The following ADARB1 variants were observed in gnomAD, a reference collection of about 807,000 sequenced individuals.
ADARB1 encodes the protein double-stranded RNA-specific editase 1.
Under a neutral mutation model 52.4 loss-of-function variants are expected in ADARB1, and 10 were observed. That is an observed-to-expected ratio of 0.19 (90% CI 0.12 to 0.32). ADARB1 has a LOEUF of 0.32. Ranked by LOEUF, ADARB1 falls within the 10% of genes least tolerant of loss-of-function variation. The probability of loss-of-function intolerance (pLI) is 1.00; values close to 1 mark genes in which losing one functional copy is unlikely to be tolerated. For missense variants in ADARB1, 643 were observed against 922.3 expected (o/e 0.70, Z 3.92); for synonymous variants, 349 against 371.1 (o/e 0.94, Z 0.68).
At position 45,221,031 on chromosome 21, in the gene ADARB1, A is replaced by G. The variant is rs757199770; in HGVS notation, c.1926+17A>G. On this transcript the variant is annotated intron_variant, in intron 10 of 10. Coordinates refer to ENST00000348831, the MANE Select transcript of ADARB1 (RefSeq NM_001112.4). The surrounding 1 kb of genome is among the most constrained non-coding windows in gnomAD (Gnocchi z 4.9). ...CACGGCAAGGTACTGAGGCGCCCTC[A>G]CCGCAATGCGCCGGCTCCACCTCCC... is the stretch of plus-strand genomic sequence containing the variant. The G allele has an allele frequency of 6.3e-7, 1 of 1,592,096 alleles. No individual in the cohort carries two copies. Among genetic ancestry groups the G allele is most frequent in the Admixed American group, 1.7e-5 (1 of 59,264 alleles).
At chr21:45,075,484 G>A (rs9977041) in intron 1 of ADARB1, among the ~76,000 whole-genome samples, 49,934 of 152,130 alleles carry the variant, frequency 0.33, 8,245 homozygotes, top group African/African-American at 0.37. Context: ...CGCAGTGTCC[G>A]CGCGGGATGC....
At chr21:45,169,052 T>C (rs1045063938) in intron 2 of ADARB1, among the ~76,000 whole-genome samples, 3 of 152,242 alleles carry the variant, frequency 2.0e-5, no homozygotes, top group Admixed American at 6.5e-5. Context: ...GATAGCTCCC[T>C]GTTGTGAGAG....
chr21:45,163,910 C>G (rs771091882), intron 2 of ADARB1, among the ~76,000 whole-genome samples: 1 of 152,172 alleles, frequency 6.6e-6, no homozygotes, highest in Non-Finnish European at 1.5e-5. Flanking sequence ...AGCTGTCTGT[C>G]CCACGTTGCC....
intron 2 of ADARB1, among the ~76,000 whole-genome samples, chr21:45,162,262 A>G (rs1308267037): frequency 6.6e-6 from 1 of 152,162 alleles, no homozygotes; most frequent in Non-Finnish European, 1.5e-5. Flanking sequence ...TCAGCCATGG[A>G]AGCTGTGTGT....
At chr21:45,155,585 A>G (rs752226975) in intron 2 of ADARB1, among the ~76,000 whole-genome samples, 9 of 151,218 alleles carry the variant, frequency 6.0e-5, no homozygotes, top group Non-Finnish European at 1.2e-4. Flanking sequence ...CCACCCATCC[A>G]TCATCCATCC....
chr21:45,117,235 T>C (rs1046181989), intron 1 of ADARB1, among the ~76,000 whole-genome samples: 2 of 152,186 alleles, frequency 1.3e-5, no homozygotes, highest in African/African-American at 4.8e-5. Context: ...CGCTGCTGTT[T>C]TGAGTTTCCT....
chr21:45,113,991 A>G (rs1480129383), intron 1 of ADARB1, among the ~76,000 whole-genome samples: 1 of 152,220 alleles, frequency 6.6e-6, no homozygotes, highest in Non-Finnish European at 1.5e-5. Flanking sequence ...ATTCTTTTAT[A>G]AATTGAGGAA....
At position 45,102,908 on chromosome 21, in the gene ADARB1, G is replaced by A. The variant is rs528197458; in HGVS notation, c.-219-25494G>A. Among the ~76,000 whole-genome samples the A allele has an allele frequency of 5.3e-5, 8 of 152,282 alleles. No individual in the cohort carries two copies. The East Asian group carries it at 9.7e-4, about 18-fold the overall frequency. ...AGAGAGGACAGCATGGAAGTGGGGCGGGGGGCTCAACCCAGCAGGGGCCAG... is the reference window on the plus strand; with the variant it reads ...AGAGAGGACAGCATGGAAGTGGGGCAGGGGGCTCAACCCAGCAGGGGCCAG... On this transcript the variant is annotated intron_variant, in intron 1 of 10. Coordinates refer to ENST00000348831, the MANE Select transcript of ADARB1 (RefSeq NM_001112.4).
intron 9 of ADARB1, among the ~76,000 whole-genome samples, chr21:45,216,781 A>G (rs923564482): frequency 1.3e-5 from 2 of 151,910 alleles, no homozygotes; most frequent in African/African-American, 4.8e-5. Flanking sequence ...TTGGTCTATC[A>G]GTTATTGAGA....
chr21:45,102,910 G>A (rs1186659114), intron 1 of ADARB1, among the ~76,000 whole-genome samples: 1 of 152,168 alleles, frequency 6.6e-6, no homozygotes, highest in African/African-American at 2.4e-5. Flanking sequence ...AGTGGGGCGG[G>A]GGGCTCAACC....
chr21:45,171,784 G>GT (rs1569111968), intron 3 of ADARB1, 100 bp downstream of exon 3: 7 of 1,103,054 alleles, frequency 6.3e-6, no homozygotes, highest in Non-Finnish European at 9.1e-6. Context: ...TGGGGATTGT[G>GT]TTTTTTCCCG....
rs1489003284 is a variant in ADARB1, at chr21:45,203,026, G to A, written c.1566-1529G>A. ...CAGCGTGTGCCACACTGCTGAGCGT[G>A]TAACCCTGCAGCGCGTGCCACACTG... On this transcript the variant is annotated intron_variant, in intron 8 of 10. Transcript: ENST00000348831. Among the ~76,000 whole-genome samples the A allele has an allele frequency of 2.7e-5, 4 of 149,322 alleles. No individual in the cohort carries two copies. In the East Asian group the frequency reaches 8.0e-4, roughly 30 times the overall value.
intron 1 of ADARB1, among the ~76,000 whole-genome samples, chr21:45,085,015 C>T (rs1401290850): frequency 1.3e-5 from 2 of 152,172 alleles, no homozygotes; most frequent in African/African-American, 4.8e-5. Flanking sequence ...GAGTCAGACA[C>T]AGTACCTGGT....
At chr21:45,189,040 C>G (rs143183776) in intron 8 of ADARB1, among the ~76,000 whole-genome samples, 12 of 152,288 alleles carry the variant, frequency 7.9e-5, no homozygotes, top group African/African-American at 2.9e-4. Flanking sequence ...GATACTTATT[C>G]ACTATCACAA....
intron 1 of ADARB1, among the ~76,000 whole-genome samples, chr21:45,107,650 C>T (rs976896308): frequency 1.3e-5 from 2 of 152,102 alleles, no homozygotes; most frequent in African/African-American, 4.8e-5. Context: ...TTGTAAAATA[C>T]ATCATTAGGA....
chr21:45,076,275 G>A (rs915122944), intron 1 of ADARB1, among the ~76,000 whole-genome samples: 2 of 152,188 alleles, frequency 1.3e-5, no homozygotes, highest in Admixed American at 6.5e-5. Context: ...CGGTTCCTCC[G>A]GAGGACAGGG....
chr21:45,096,328 C>T (rs1014706972), intron 1 of ADARB1, among the ~76,000 whole-genome samples: 14 of 152,352 alleles, frequency 9.2e-5, no homozygotes, highest in Non-Finnish European at 1.9e-4. Flanking sequence ...ACAAGTGCCC[C>T]CTCTGCTCTG....
At chr21:45,148,756 T>C (rs1443086131) in intron 2 of ADARB1, among the ~76,000 whole-genome samples, 1 of 152,176 alleles carries the variant, frequency 6.6e-6, no homozygotes, top group East Asian at 1.9e-4. Context: ...CCGCCCCTCC[T>C]CTGGGAGCGT....
intron 8 of ADARB1, among the ~76,000 whole-genome samples, chr21:45,203,004 C>T (rs1235903645): frequency 6.6e-6 from 1 of 151,612 alleles, no homozygotes; most frequent in African/African-American, 2.4e-5. Flanking sequence ...TCCCCTGCAG[C>T]GTGTGCCACA....
Sources: allele counts gnomAD v4.1 joint callset (sites outside exome capture counted in the v4.1 genomes callset), GRCh38; gene constraint gnomAD v4.1.1; non-coding constraint Gnocchi (gnomAD v3.1); transcripts MANE v1.5; gene names NCBI Gene and HGNC (gene_info 2026-07-23, HGNC 2026-07-21).